The following CSMD1 variants were observed in gnomAD, a reference collection of about 807,000 sequenced individuals.
CSMD1 encodes the protein CUB and Sushi multiple domains 1.
Under a neutral mutation model 417.5 loss-of-function variants are expected in CSMD1, and 213 were observed. That is an observed-to-expected ratio of 0.51 (90% CI 0.46 to 0.57). The LOEUF (loss-of-function observed/expected upper bound fraction) is 0.57, where lower values mean the gene tolerates loss of function less well. Ranked by LOEUF, CSMD1 falls within the 20% of genes least tolerant of loss-of-function variation. The pLI, the probability that CSMD1 is intolerant of heterozygous loss-of-function variation, is 0.00. For missense variants in CSMD1, 6,923 were observed against 4,529.7 expected, an observed-to-expected ratio of 1.53 and a Z score of -15.17; for synonymous variants, 2,862 against 1,736.8, an observed-to-expected ratio of 1.65 and a Z score of -16.11.
At chr8:4,345,127 G>A (rs567177514) in intron 3 of CSMD1, among the ~76,000 whole-genome samples, 2 of 152,114 alleles carry the variant, frequency 1.3e-5, no homozygotes, top group African/African-American at 2.4e-5. Context: ...AAACCTGTCA[G>A]TAATTTCGGA....
At chr8:3,521,016 C>G (rs759620626) in intron 10 of CSMD1, among the ~76,000 whole-genome samples, 22 of 152,152 alleles carry the variant, frequency 1.4e-4, no homozygotes, top group Admixed American at 2.6e-4. Flanking sequence ...GCATCCATTC[C>G]TCATGTTCTT....
At chr8:3,353,231 G>C (rs150588614) in intron 21 of CSMD1, among the ~76,000 whole-genome samples, 2 of 152,144 alleles carry the variant, frequency 1.3e-5, no homozygotes, top group Non-Finnish European at 2.9e-5. Flanking sequence ...GAATGGGATG[G>C]GTTACTATTT....
In CSMD1 at chr8:4,455,030, T is replaced by A. The variant is rs1278201586; in HGVS notation, c.303-34965A>T. 5.3e-5 allele frequency among the ~76,000 whole-genome samples: 8 copies of A among 152,072 alleles called. No homozygotes were observed. The East Asian group carries it at 1.5e-3, about 29-fold the overall frequency. ...TTGCTATCCCAGTGTGTCAGTCCGC[T>A]GTCATCAACACAATATCACCATGTT... On this transcript the variant is annotated intron_variant, in intron 2 of 69. Transcript: ENST00000635120.
chr8:4,661,474 A>C (rs1315214937), intron 1 of CSMD1, among the ~76,000 whole-genome samples: 1 of 152,142 alleles, frequency 6.6e-6, no homozygotes, highest in South Asian at 2.1e-4. Flanking sequence ...ATTCATTGCT[A>C]TGGGTTAGGC....
intron 10 of CSMD1, among the ~76,000 whole-genome samples, chr8:3,567,374 T>G (rs1251781407): frequency 6.6e-6 from 1 of 151,422 alleles, no homozygotes; most frequent in Non-Finnish European, 1.5e-5. Context: ...TGGCACAAGT[T>G]TACCTATATA....
intron 2 of CSMD1, among the ~76,000 whole-genome samples, chr8:4,606,986 T>C (rs1168297053): frequency 6.6e-6 from 1 of 152,226 alleles, no homozygotes; most frequent in Non-Finnish European, 1.5e-5. Context: ...AAGTTAAATT[T>C]TTTCATGTGG....
intron 49 of CSMD1, among the ~76,000 whole-genome samples, chr8:3,059,952 T>C (rs17079217): frequency 0.25 from 38,143 of 151,820 alleles, 5,580 homozygotes; most frequent in East Asian, 0.35. Flanking sequence ...TGAGGCACAG[T>C]GGGTACTGCA....
At chr8:3,373,467 G>A (rs546922305) in intron 18 of CSMD1, 2 of 152,314 alleles carry the variant, frequency 1.3e-5, no homozygotes, top group South Asian at 4.1e-4. Flanking sequence ...AAGTAATTCT[G>A]TCCACAAATC....
intron 4 of CSMD1, among the ~76,000 whole-genome samples, chr8:4,000,236 C>G (rs560838305): frequency 5.3e-5 from 8 of 151,136 alleles, no homozygotes; most frequent in Non-Finnish European, 1.0e-4. Context: ...TCCTGCCCCC[C>G]GCCCTCCGTG....
intron 5 of CSMD1, among the ~76,000 whole-genome samples, chr8:3,850,133 C>T (rs1040551688): frequency 1.8e-4 from 27 of 152,318 alleles, no homozygotes; most frequent in African/African-American, 5.8e-4. Context: ...GCGATGTCGC[C>T]ATTCTTAGGG....
intron 2 of CSMD1, among the ~76,000 whole-genome samples, chr8:4,429,398 C>A (rs185557033): frequency 1.3e-5 from 2 of 152,014 alleles, no homozygotes; most frequent in Admixed American, 6.6e-5. Flanking sequence ...CAAACTATAT[C>A]GGACAAAGAA....
chr8:3,478,362 C>G (rs999152358), intron 11 of CSMD1, among the ~76,000 whole-genome samples: 1 of 152,196 alleles, frequency 6.6e-6, no homozygotes, highest in Non-Finnish European at 1.5e-5. Flanking sequence ...TTACAGATTT[C>G]CTTTACTGAG....
At chr8:4,653,485 G>A (rs921367539) in intron 1 of CSMD1, among the ~76,000 whole-genome samples, 2 of 152,022 alleles carry the variant, frequency 1.3e-5, no homozygotes, top group African/African-American at 2.4e-5. Flanking sequence ...TCAAATAAAG[G>A]AAAGACTTAC....
At position 3,151,404 on chromosome 8, in the gene CSMD1, G is replaced by C. The variant is rs754224272; in HGVS notation, c.6024C>G (p.Ile2008Met). The C allele has an allele frequency of 3.1e-6, 5 of 1,604,954 alleles. No individual in the cohort carries two copies. The highest frequency in any genetic ancestry group is 1.7e-6 in the Non-Finnish European group (2 of 1,172,150). The change falls in exon 40 of 70, where the codon ATC becomes ATG. Residue 2008 changes from isoleucine (I) to methionine (M), a missense_variant. By Grantham distance (10) the Ile-to-Met change is conservative. Transcript: ENST00000635120. ...LDCTWRISLPIGYGAHIQFLN... is the reference protein window; with the variant it reads ...LDCTWRISLPMGYGAHIQFLN... ...GGTAACATTTTCACTTACCATAGCC[G>C]ATGGGTAATGAGATCCTCCAGGTGC...
At chr8:4,903,691 T>G (rs933464667) in intron 1 of CSMD1, among the ~76,000 whole-genome samples, 1 of 152,184 alleles carries the variant, frequency 6.6e-6, no homozygotes, top group African/African-American at 2.4e-5. Context: ...CCAAAGGTTG[T>G]AATAAGGTCC....
At chr8:4,787,560 A>G (rs776316563) in intron 1 of CSMD1, 6 of 1,450,626 alleles carry the variant, frequency 4.1e-6, no homozygotes, top group Non-Finnish European at 5.8e-6. Context: ...AAATGTGGGG[A>G]GACAGCTTTC....
chr8:4,804,444 A>G lies in CSMD1; in HGVS notation c.86-166886T>C, dbSNP rs116046446. Among the ~76,000 whole-genome samples, 370 of 151,826 alleles carry G rather than the reference A, an allele frequency of 2.4e-3. 3 individuals carry two copies. Among genetic ancestry groups the G allele is most frequent in the African/African-American group, 8.7e-3 (358 of 41,338 alleles). ...ACTGAATAAATTGCCAGTCATATAC[A>G]GACTTCGGTGTAGATTTTTTTTTTT... On this transcript the variant is annotated intron_variant, in intron 1 of 69. Coordinates refer to ENST00000635120, the MANE Select transcript of CSMD1 (RefSeq NM_033225.6).
chr8:4,335,441 G>C (rs570905194), intron 3 of CSMD1, among the ~76,000 whole-genome samples: 27 of 152,054 alleles, frequency 1.8e-4, no homozygotes, highest in Non-Finnish European at 3.4e-4. Flanking sequence ...CTCGTTACTA[G>C]AATCATTTAT....
At chr8:3,028,218 A>G (rs1000096335) in intron 51 of CSMD1, among the ~76,000 whole-genome samples, 2 of 152,182 alleles carry the variant, frequency 1.3e-5, no homozygotes, top group Non-Finnish European at 2.9e-5. Context: ...AGTCTAAAAT[A>G]GGCAAAAGGT....
Sources: gnomAD v4.1 joint callset for allele counts (sites outside exome capture counted in the v4.1 genomes callset) on GRCh38, gnomAD v4.1.1 for gene constraint, MANE v1.5 for transcripts, NCBI Gene and HGNC (gene_info 2026-07-23, HGNC 2026-07-21) for gene names.